TMEM132B: variants seen among roughly 807,000 people sequenced by gnomAD.
TMEM132B encodes the protein transmembrane protein 132B.
Under a neutral mutation model 90.8 loss-of-function variants are expected in TMEM132B, and 18 were observed. The ratio of observed to expected loss-of-function variants is 0.20; its 90% confidence interval spans 0.14 to 0.29. The LOEUF is 0.29. Ranked by LOEUF, TMEM132B falls within the 10% of genes least tolerant of loss-of-function variation. The pLI, the probability that TMEM132B is intolerant of heterozygous loss-of-function variation, is 1.00. For missense variants in TMEM132B, 1,096 were observed against 1,326.8 expected (o/e 0.83, Z 2.70); for synonymous variants, 504 against 523.3 (o/e 0.96, Z 0.50).
chr12:125,260,180 A>C (rs1303160603), intron 1 of TMEM132B, among the ~76,000 whole-genome samples: 1 of 152,116 alleles, frequency 6.6e-6, no homozygotes, highest in Admixed American at 6.5e-5. Flanking sequence ...ATTCACTTAC[A>C]TGTTTGGTCA....
chr12:125,550,563 A>G (rs2136757774), intron 4 of TMEM132B, among the ~76,000 whole-genome samples: 1 of 152,270 alleles, frequency 6.6e-6, no homozygotes, highest in East Asian at 1.9e-4. Flanking sequence ...TAATTTTCCC[A>G]TTACCAATTC....
intron 3 of TMEM132B, among the ~76,000 whole-genome samples, chr12:125,470,601 G>T (rs1360206780): frequency 6.6e-6 from 1 of 152,076 alleles, no homozygotes; most frequent in Non-Finnish European, 1.5e-5. Context: ...TTTATTAGCT[G>T]TATCCCAGTG....
intron 1 of TMEM132B, among the ~76,000 whole-genome samples, chr12:125,271,099 C>T (rs749537746): frequency 3.9e-5 from 6 of 152,114 alleles, no homozygotes; most frequent in Non-Finnish European, 5.9e-5. Flanking sequence ...TATAGGTGTG[C>T]ACCACCATGT....
intron 2 of TMEM132B, among the ~76,000 whole-genome samples, chr12:125,409,613 TGGAGTGGAG>T (rs1879638758): frequency 1.8e-5 from 1 of 55,164 alleles, no homozygotes; most frequent in Non-Finnish European, 3.5e-5. Flanking sequence ...TGGAGTGGAG[TGGAGTGGAG>T]GAGTGGAGTG....
chr12:125,449,094 G>A (rs571696256), intron 3 of TMEM132B, among the ~76,000 whole-genome samples: 9 of 151,510 alleles, frequency 5.9e-5, no homozygotes, highest in African/African-American at 2.2e-4. Flanking sequence ...AGCCTCCTGA[G>A]TAGCTGGGAC....
At chr12:125,327,970 C>T (rs1566003030) in intron 1 of TMEM132B, among the ~76,000 whole-genome samples, 1 of 152,202 alleles carries the variant, frequency 6.6e-6, no homozygotes. Context: ...CCCTAGCCAA[C>T]TCTGAAGAAG....
Position 125,655,198 on chromosome 12 carries a change from C to A in TMEM132B, c.*488C>A. On this transcript the variant is annotated 3_prime_UTR_variant, in exon 9 of 9. Transcript: ENST00000682704. ...TGCTCATTATTTTTATATACATTTG[C>A]ACCTGCACCTGTTCCTTTGACCTCT... 6.5e-6 allele frequency: 1 copy of A among 153,758 alleles called. No homozygotes were observed. The highest frequency in any genetic ancestry group is 6.4e-5 in the Admixed American group (1 of 15,554). 9.5% of individuals were successfully genotyped at this position (153,758 alleles called of 1,614,324 possible). A position where few individuals can be genotyped will look rare whatever the true frequency, so the allele number is the denominator to read the frequency against.
chr12:125,541,738 A>G (rs531078463), intron 4 of TMEM132B, among the ~76,000 whole-genome samples: 1 of 151,970 alleles, frequency 6.6e-6, no homozygotes, highest in East Asian at 1.9e-4. Flanking sequence ...CTGGTGTTTT[A>G]AAGAAGTGAA....
At chr12:125,558,270 G>C (rs1884441035) in intron 4 of TMEM132B, among the ~76,000 whole-genome samples, 1 of 152,160 alleles carries the variant, frequency 6.6e-6, no homozygotes, top group African/African-American at 2.4e-5. Context: ...TCAGTGGCCA[G>C]TGTGTTCTCT....
chr12:125,244,578 G>A (rs1231812638), intron 1 of TMEM132B, among the ~76,000 whole-genome samples: 1 of 152,208 alleles, frequency 6.6e-6, no homozygotes, highest in Non-Finnish European at 1.5e-5. Flanking sequence ...TACACCCAAG[G>A]GAACTGAAGG....
rs770140611 is a variant in TMEM132B at position 125,406,344 on chromosome 12, G to A, written c.960-9187G>A. Among the ~76,000 whole-genome samples, 7 of 152,254 alleles carry A rather than the reference G, an allele frequency of 4.6e-5. No individual in the cohort carries two copies. Among genetic ancestry groups the A allele is most frequent in the Non-Finnish European group, 1.0e-4 (7 of 68,050 alleles). On this transcript the variant is annotated intron_variant, in intron 2 of 8. Transcript: ENST00000682704. This position sits in a 1 kb window ranked among gnomAD's most constrained non-coding sequence, Gnocchi z 8.3. ...CCCTGCGGGGTTGCACGAGGCATCTGTGTATTAGCAGTGCAAGGCGGAGGA... is the reference window on the plus strand; with the variant it reads ...CCCTGCGGGGTTGCACGAGGCATCTATGTATTAGCAGTGCAAGGCGGAGGA...
intron 1 of TMEM132B, among the ~76,000 whole-genome samples, chr12:125,241,399 A>C (rs1195110206): frequency 6.6e-6 from 1 of 152,134 alleles, no homozygotes; most frequent in African/African-American, 2.4e-5. Context: ...GTGATGCTCT[A>C]TTTCAGCTGG....
chr12:125,292,472 T>G (rs1490442686), intron 1 of TMEM132B, among the ~76,000 whole-genome samples: 1 of 152,230 alleles, frequency 6.6e-6, no homozygotes, highest in Non-Finnish European at 1.5e-5. Flanking sequence ...GACTAGAAAG[T>G]GACTATAATG....
intron 5 of TMEM132B, among the ~76,000 whole-genome samples, chr12:125,618,988 G>A (rs116244802): frequency 0.018 from 2,668 of 152,302 alleles, 81 homozygotes; most frequent in African/African-American, 0.058. Context: ...TGGAAGTGCA[G>A]TGCTGGGCAG....
At chr12:125,545,732 G>A (rs1884074727) in intron 4 of TMEM132B, among the ~76,000 whole-genome samples, 1 of 152,166 alleles carries the variant, frequency 6.6e-6, no homozygotes, top group African/African-American at 2.4e-5. Flanking sequence ...GCCTAGGAGT[G>A]AAATCCTCAA....
chr12:125,276,312 A>G (rs1874985388), intron 1 of TMEM132B, among the ~76,000 whole-genome samples: 1 of 152,212 alleles, frequency 6.6e-6, no homozygotes, highest in South Asian at 2.1e-4. Context: ...TCTCTGCACG[A>G]CAGAGGTGCG....
chr12:125,558,093 T>A (rs1195266507), intron 4 of TMEM132B, among the ~76,000 whole-genome samples: 5 of 152,206 alleles, frequency 3.3e-5, no homozygotes, highest in African/African-American at 1.2e-4. Context: ...CGTCCTTCGT[T>A]TCCTTTTGAG....
At chr12:125,437,357 T>G (rs1274002731) in intron 3 of TMEM132B, among the ~76,000 whole-genome samples, 1 of 152,250 alleles carries the variant, frequency 6.6e-6, no homozygotes, top group Non-Finnish European at 1.5e-5. Context: ...TGGGTTGTTT[T>G]CATCTGTGAT....
intron 1 of TMEM132B, among the ~76,000 whole-genome samples, chr12:125,263,624 A>G (rs1874618997): frequency 6.6e-6 from 1 of 152,186 alleles, no homozygotes; most frequent in South Asian, 2.1e-4. Flanking sequence ...CAATAAATGT[A>G]TCAAGAATGA....
Sources: allele counts gnomAD v4.1 joint callset (sites outside exome capture counted in the v4.1 genomes callset), GRCh38; gene constraint gnomAD v4.1.1; non-coding constraint Gnocchi (gnomAD v3.1); transcripts MANE v1.5; gene names NCBI Gene and HGNC (gene_info 2026-07-23, HGNC 2026-07-21).